Variants in DAB1 observed in about 807,000 individuals in gnomAD.
DAB1 encodes disabled homolog 1.
DAB1 carries 15 observed loss-of-function variants against 64.6 expected under a neutral mutation model. The ratio of observed to expected loss-of-function variants is 0.23; its 90% CI spans 0.16 to 0.36. The LOEUF (loss-of-function observed/expected upper bound fraction) is 0.36. Ranked by LOEUF, DAB1 falls within the 10% of genes least tolerant of loss-of-function variation. DAB1 has a pLI of 1.00. For missense variants in DAB1, 596 were observed against 706.7 expected, an observed-to-expected ratio of 0.84 and a Z score of 1.78; for synonymous variants, 235 against 251.9, an observed-to-expected ratio of 0.93 and a Z score of 0.64.
intron 6 of DAB1, among the ~76,000 whole-genome samples, chr1:57,665,594 CAACTT>C (rs1014000653): frequency 2.6e-5 from 4 of 152,038 alleles, no homozygotes; most frequent in Non-Finnish European, 5.9e-5. Context: ...TAATTGGAAA[CAACTT>C]AAATGCCTAT....
At chr1:58,389,331 A>G (rs1207749346) in intron 3 of DAB1, among the ~76,000 whole-genome samples, 1 of 152,192 alleles carries the variant, frequency 6.6e-6, no homozygotes, top group Non-Finnish European at 1.5e-5. Flanking sequence ...CCAACTACTC[A>G]GGAGACTGAG....
chr1:58,438,381 GT>G (rs2100259612), intron 3 of DAB1, among the ~76,000 whole-genome samples: 1 of 152,318 alleles, frequency 6.6e-6, no homozygotes, highest in South Asian at 2.1e-4. Context: ...GCATTTAGCT[GT>G]GATGGAAAGG....
At chr1:57,221,954 A>G (rs1302169016) in intron 2 of DAB1, among the ~76,000 whole-genome samples, 1 of 139,350 alleles carries the variant, frequency 7.2e-6, no homozygotes, top group Non-Finnish European at 1.6e-5. Flanking sequence ...TTTTATTTTT[A>G]TTTGCCCAAA....
At chr1:57,213,266 T>C (rs1569913291) in intron 2 of DAB1, among the ~76,000 whole-genome samples, 1 of 152,208 alleles carries the variant, frequency 6.6e-6, no homozygotes, top group East Asian at 1.9e-4. Flanking sequence ...ATACAACCAA[T>C]ATAAACAATT....
chr1:57,248,519 A>C (rs1669067748), intron 2 of DAB1, among the ~76,000 whole-genome samples: 1 of 152,226 alleles, frequency 6.6e-6, no homozygotes, highest in Non-Finnish European at 1.5e-5. Context: ...CCAAACAAAC[A>C]TATGACTGTA....
chr1:57,734,180 C>A (rs1389012468), intron 6 of DAB1, among the ~76,000 whole-genome samples: 1 of 152,122 alleles, frequency 6.6e-6, no homozygotes, highest in African/African-American at 2.4e-5. Context: ...TCGTCCTTGC[C>A]ATTCATGGTG....
chr1:58,291,697 G>T (rs1169099376), intron 4 of DAB1, among the ~76,000 whole-genome samples: 1 of 152,192 alleles, frequency 6.6e-6, no homozygotes, highest in Non-Finnish European at 1.5e-5. Flanking sequence ...AGCAGAATGA[G>T]GTAAACGGTA....
intron 1 of DAB1, chr1:57,878,330 G>A (rs1256460728): frequency 6.6e-6 from 1 of 152,160 alleles, no homozygotes; most frequent in African/African-American, 2.4e-5. Context: ...CTGGACTGAA[G>A]AGTTATGAAG....
chr1:58,081,054 A>G (rs79545624), intron 5 of DAB1, among the ~76,000 whole-genome samples: 4,338 of 152,246 alleles, frequency 0.028, 191 homozygotes, highest in African/African-American at 0.099. Flanking sequence ...TTATCTTCCA[A>G]TAGGTGACCA....
intron 4 of DAB1, among the ~76,000 whole-genome samples, chr1:58,202,139 G>A (rs1234672090): frequency 2.6e-5 from 4 of 152,156 alleles, no homozygotes; most frequent in Non-Finnish European, 5.9e-5. Context: ...CTTTATAAGT[G>A]TTAGCTTTAA....
intron 4 of DAB1, among the ~76,000 whole-genome samples, chr1:58,264,410 C>T (rs1163268058): frequency 6.6e-6 from 1 of 152,148 alleles, no homozygotes; most frequent in East Asian, 1.9e-4. Flanking sequence ...TAGATATAGC[C>T]ATCTTTGACG....
chr1:57,830,826 C>T (rs1182851540), intron 1 of DAB1, among the ~76,000 whole-genome samples: 1 of 152,178 alleles, frequency 6.6e-6, no homozygotes, highest in Non-Finnish European at 1.5e-5. Flanking sequence ...GCATATGTGA[C>T]TAGATCCCAA....
At chr1:58,363,779 T>C (rs1031022966) in intron 3 of DAB1, among the ~76,000 whole-genome samples, 3 of 152,224 alleles carry the variant, frequency 2.0e-5, no homozygotes, top group Non-Finnish European at 2.9e-5. Flanking sequence ...TGTCTCAGAC[T>C]GTAAGTTGAG....
chr1:57,306,528 T>C (rs1376623527), intron 1 of DAB1, among the ~76,000 whole-genome samples: 1 of 148,236 alleles, frequency 6.7e-6, no homozygotes, highest in Non-Finnish European at 1.5e-5. Flanking sequence ...TTTTTTTTTT[T>C]TTTTTTTTAC....
At chr1:57,500,109 G>A (rs1020872643) in intron 7 of DAB1, among the ~76,000 whole-genome samples, 14 of 152,232 alleles carry the variant, frequency 9.2e-5, no homozygotes, top group African/African-American at 3.4e-4. Context: ...TCGCAAAATA[G>A]AACAGAGTGA....
chr1:58,352,519 G>C lies in DAB1; in HGVS notation n.258-9116C>G, dbSNP rs558634200. ...AGGGATGAGTAAAGTTTAGAGATTT[G>C]ATCAAAGGCAACAGCTAATAGGGGT... On this transcript the variant is annotated intron_variant and non_coding_transcript_variant, in intron 3 of 20. Coordinates refer to the DAB1 transcript ENST00000485760. Among the ~76,000 whole-genome samples the C allele has an allele frequency of 4.6e-5, 7 of 152,276 alleles. No homozygotes were observed. In the South Asian group the frequency reaches 1.0e-3, roughly 23 times the overall value.
At chr1:57,582,234 G>C (rs1213873443) in intron 7 of DAB1, among the ~76,000 whole-genome samples, 1 of 152,230 alleles carries the variant, frequency 6.6e-6, no homozygotes, top group Non-Finnish European at 1.5e-5. Flanking sequence ...GTTCCATGTG[G>C]CTGCGGAGGC....
intron 6 of DAB1, among the ~76,000 whole-genome samples, chr1:57,789,883 C>G (rs540922856): frequency 6.6e-6 from 1 of 152,258 alleles, no homozygotes; most frequent in East Asian, 1.9e-4. Flanking sequence ...GGATTCTCAA[C>G]AAGAAGTTTT....
At chr1:57,368,601 G>T (rs1680251361) in intron 1 of DAB1, among the ~76,000 whole-genome samples, 2 of 151,998 alleles carry the variant, frequency 1.3e-5, no homozygotes, top group African/African-American at 4.8e-5. Flanking sequence ...CAGAGAGAAG[G>T]GCCTCCTCTC....
Sources: allele counts gnomAD v4.1 joint callset (sites outside exome capture counted in the v4.1 genomes callset), GRCh38; gene constraint gnomAD v4.1.1; transcripts MANE v1.5; gene names NCBI Gene and HGNC (gene_info 2026-07-23, HGNC 2026-07-21).